GFOD1: variants seen among roughly 807,000 people sequenced by gnomAD.
The protein encoded by GFOD1 is glucose-fructose oxidoreductase domain-containing protein 1.
Under a neutral mutation model 25.4 loss-of-function variants are expected in GFOD1, and 9 were observed. That is an observed-to-expected ratio of 0.35 (90% CI 0.21 to 0.62). The LOEUF (loss-of-function observed/expected upper bound fraction) is 0.62. Ranked by LOEUF, GFOD1 falls within the 20% of genes least tolerant of loss-of-function variation. GFOD1 has a pLI of 0.72. For missense variants in GFOD1, 403 were observed against 556.9 expected, an observed-to-expected ratio of 0.72 and a Z score of 2.78; for synonymous variants, 253 against 245.6, an observed-to-expected ratio of 1.03 and a Z score of -0.28.
In GFOD1 at chr6:13,362,144, C is replaced by G. The variant is rs1784955909; in HGVS notation, c.*2599G>C. On this transcript the variant is annotated 3_prime_UTR_variant, in exon 2 of 2. Transcript: ENST00000379287. ...AATAATTCCAATGTTTCCCCAAAAA[C>G]TACTTTCCCAGGGAGCAATTTAGAA... The G allele has an allele frequency of 6.6e-6, 1 of 152,056 alleles. No individual in the cohort carries two copies. Among genetic ancestry groups the G allele is most frequent in the African/African-American group, 2.4e-5 (1 of 41,392 alleles). 9.4% of individuals were successfully genotyped at this position (152,056 alleles called of 1,614,324 possible).
At chr6:13,454,194 C>T (rs79044414) in intron 1 of GFOD1, among the ~76,000 whole-genome samples, 3,047 of 152,298 alleles carry the variant, frequency 0.02, 90 homozygotes, top group African/African-American at 0.069. Context: ...CAGGACAGGG[C>T]TGGAACAGAC....
rs1336077968 is a variant in GFOD1 at position 13,487,361 on chromosome 6, CAGAGCACGGA to C, written c.-481_-472del. On this transcript the variant is annotated 5_prime_UTR_variant, in exon 1 of 2. Transcript: ENST00000379287. The surrounding 1 kb of genome is among the most constrained non-coding windows in gnomAD (Gnocchi z 4.9). ...GCACAGACAAACGTCTACACCCTGC[CAGAGCACGGA>C]ACCGCTCCGCGGGGGAGTCTCCTTT... 2.6e-5 allele frequency: 4 copies of C among 156,764 alleles called. No homozygotes were observed. The highest frequency in any genetic ancestry group is 9.6e-5 in the African/African-American group (4 of 41,636). The allele number at this position is 156,764 out of a possible 1,614,324, so 9.7% of individuals were successfully genotyped here.
At position 13,359,348 on chromosome 6, in the gene GFOD1, G is replaced by A. The variant is rs1784913296; in HGVS notation, c.*5395C>T. The A allele has an allele frequency of 6.6e-6, 1 of 152,266 alleles. No homozygotes were observed. The highest frequency in any genetic ancestry group is 2.4e-5 in the African/African-American group (1 of 41,454). The allele number at this position is 152,266 out of a possible 1,614,324, so 9.4% of individuals were successfully genotyped here. On this transcript the variant is annotated 3_prime_UTR_variant, in exon 2 of 2. Transcript: ENST00000379287. ...TTGATTTTTAAACAAGCTCCCCAATGTCATGGCCTCTGCTCTGTAAACTCC... is the reference window on the plus strand; with the variant it reads ...TTGATTTTTAAACAAGCTCCCCAATATCATGGCCTCTGCTCTGTAAACTCC...
chr6:13,397,891 C>A (rs1785766163), intron 1 of GFOD1, among the ~76,000 whole-genome samples: 2 of 152,186 alleles, frequency 1.3e-5, no homozygotes, highest in African/African-American at 4.8e-5. Context: ...ACAAATTTTG[C>A]ATTAATTTTT....
At chr6:13,456,234 G>A (rs1032311225) in intron 1 of GFOD1, among the ~76,000 whole-genome samples, 1 of 152,166 alleles carries the variant, frequency 6.6e-6, no homozygotes, top group African/African-American at 2.4e-5. Flanking sequence ...GAGTGCAATG[G>A]CATGATCTTG....
chr6:13,424,512 A>G (rs1292566688), intron 1 of GFOD1, among the ~76,000 whole-genome samples: 1 of 152,236 alleles, frequency 6.6e-6, no homozygotes, highest in African/African-American at 2.4e-5. Flanking sequence ...ACTTACCCTA[A>G]ATAATGGAAC....
rs911685439 is a variant in GFOD1 at position 13,358,417 on chromosome 6, A to C, written c.*6326T>G. 1.3e-5 allele frequency: 2 copies of C among 152,170 alleles called. No homozygotes were observed. Among genetic ancestry groups the C allele is most frequent in the East Asian group, 1.9e-4 (1 of 5,198 alleles). 9.4% of individuals were successfully genotyped at this position (152,170 alleles called of 1,614,324 possible). A position where few individuals can be genotyped will look rare whatever the true frequency, so the allele number is the denominator to read the frequency against. ...TGCCATTTTGGTTAAAAAACACAAC[A>C]ACAACAATAAAAAGCAGATGAAGTA... On this transcript the variant is annotated 3_prime_UTR_variant, in exon 2 of 2. Coordinates refer to ENST00000379287, the MANE Select transcript of GFOD1 (RefSeq NM_018988.4).
intron 1 of GFOD1, among the ~76,000 whole-genome samples, chr6:13,432,373 A>C (rs6458824): frequency 0.98 from 148,905 of 151,918 alleles, 73,051 homozygotes; most frequent in Middle Eastern, 1. Context: ...ACCACCATGG[A>C]TAGTTTTTAT....
intron 1 of GFOD1, among the ~76,000 whole-genome samples, chr6:13,482,369 A>G (rs1758772128): frequency 6.6e-6 from 1 of 151,516 alleles, no homozygotes; most frequent in Admixed American, 6.6e-5. Flanking sequence ...ACATATATAA[A>G]TTTTCAAGCT....
chr6:13,389,360 A>G (rs1342594006), intron 1 of GFOD1, among the ~76,000 whole-genome samples: 1 of 152,234 alleles, frequency 6.6e-6, no homozygotes, highest in African/African-American at 2.4e-5. Flanking sequence ...CTTGGAACCA[A>G]CCCAAATGTC....
intron 1 of GFOD1, among the ~76,000 whole-genome samples, chr6:13,427,736 T>C (rs537798414): frequency 2.1e-4 from 32 of 152,356 alleles, no homozygotes; most frequent in South Asian, 6.2e-4. Context: ...TTCACAAATG[T>C]GATTATCCCA....
intron 1 of GFOD1, among the ~76,000 whole-genome samples, chr6:13,441,761 C>T (rs945752370): frequency 1.3e-5 from 2 of 152,004 alleles, no homozygotes; most frequent in African/African-American, 4.8e-5. Context: ...AAATAAACAC[C>T]CAAAACACTT....
At chr6:13,373,773 CT>C (rs1562195959) in intron 1 of GFOD1, among the ~76,000 whole-genome samples, 5 of 122,396 alleles carry the variant, frequency 4.1e-5, no homozygotes, top group Admixed American at 9.2e-5. Flanking sequence ...CACACACACA[CT>C]ACGCTTTTTT....
chr6:13,460,837 T>C (rs1758278335), intron 1 of GFOD1, among the ~76,000 whole-genome samples: 1 of 152,166 alleles, frequency 6.6e-6, no homozygotes. Context: ...GAACTTAAAA[T>C]AAAATAACAT....
chr6:13,392,853 T>C (rs1361605911), intron 1 of GFOD1, among the ~76,000 whole-genome samples: 1 of 151,134 alleles, frequency 6.6e-6, no homozygotes, highest in Non-Finnish European at 1.5e-5. Flanking sequence ...GCCAGGAGTT[T>C]GAAGCCAGCC....
chr6:13,457,841 G>A (rs985369705), intron 1 of GFOD1, among the ~76,000 whole-genome samples: 3 of 152,156 alleles, frequency 2.0e-5, no homozygotes, highest in Non-Finnish European at 2.9e-5. Context: ...CGCTTGACCC[G>A]TTCCAGCGGC....
At chr6:13,394,466 ATTTTTT>A (rs70989855) in intron 1 of GFOD1, among the ~76,000 whole-genome samples, 21 of 75,924 alleles carry the variant, frequency 2.8e-4, no homozygotes, top group African/African-American at 9.3e-4. Context: ...TACCCTTTGA[ATTTTTT>A]TTTTTTTTTT....
chr6:13,469,361 A>G (rs2127577011), intron 1 of GFOD1: 1 of 985,544 alleles, frequency 1.0e-6, no homozygotes, highest in Non-Finnish European at 1.2e-6. Flanking sequence ...ATGAAATAAC[A>G]TTTTCTCAAT....
intron 1 of GFOD1, chr6:13,470,694 A>G: frequency 6.9e-7 from 1 of 1,440,012 alleles, no homozygotes; most frequent in Non-Finnish European, 9.1e-7. Context: ...CCCACTTTTG[A>G]TTATTCATAT....
Sources: allele counts gnomAD v4.1 joint callset (sites outside exome capture counted in the v4.1 genomes callset), GRCh38; gene constraint gnomAD v4.1.1; non-coding constraint Gnocchi (gnomAD v3.1); transcripts MANE v1.5; gene names NCBI Gene and HGNC (gene_info 2026-07-23, HGNC 2026-07-21).